The following SCAPER variants were observed in gnomAD, a reference collection of about 807,000 sequenced individuals.
The protein encoded by SCAPER is S-phase cyclin A associated protein in the ER.
Under a neutral mutation model 182.2 loss-of-function variants are expected in SCAPER, and 98 were observed. That is an observed-to-expected ratio of 0.54 (90% CI 0.46 to 0.64). The LOEUF (loss-of-function observed/expected upper bound fraction) is 0.64, where lower values mean the gene tolerates loss of function less well. Ranked by LOEUF, SCAPER falls within the 30% of genes least tolerant of loss-of-function variation. SCAPER has a pLI of 0.00. For synonymous variants in SCAPER, 605 were observed against 564.6 expected, an observed-to-expected ratio of 1.07 and a Z score of -1.01; for missense variants, 1,432 against 1,690.0, an observed-to-expected ratio of 0.85 and a Z score of 2.68.
chr15:76,846,184 A>G (rs2070062531), intron 4 of SCAPER, among the ~76,000 whole-genome samples: 1 of 152,116 alleles, frequency 6.6e-6, no homozygotes, highest in African/African-American at 2.4e-5. Flanking sequence ...CCATATACAA[A>G]CCTCAAATCA....
intron 23 of SCAPER, among the ~76,000 whole-genome samples, chr15:76,543,473 G>A (rs559150609): frequency 3.9e-5 from 6 of 152,268 alleles, no homozygotes; most frequent in African/African-American, 1.4e-4. Context: ...ACACTCCGTG[G>A]TTTCAAACTG....
In SCAPER at chr15:76,669,115, C is replaced by G. The variant is rs189212540; in HGVS notation, c.2509-3326G>C. Among the ~76,000 whole-genome samples the G allele has an allele frequency of 9.2e-4, 140 of 152,206 alleles. 1 individual carries two copies. The Middle Eastern group carries it at 0.014, about 15-fold the overall frequency. On this transcript the variant is annotated intron_variant, in intron 20 of 31. Coordinates refer to ENST00000563290, the MANE Select transcript of SCAPER (RefSeq NM_020843.4). ...CCAGACAGTGTGATTAGGGAATCCA[C>G]ATTCTTGACTACTACCTTAGAGATA...
chr15:76,409,153 G>A (rs1367522890), intron 26 of SCAPER, among the ~76,000 whole-genome samples: 1 of 152,138 alleles, frequency 6.6e-6, no homozygotes, highest in African/African-American at 2.4e-5. Context: ...GGCTCTAAAA[G>A]GTCAGTGTAG....
rs183800225 is a variant in SCAPER at position 76,594,622 on chromosome 15, G to A, written c.2712-20338C>T. The stretch of plus-strand genomic sequence containing the variant: ...AAGGGAAGCCCATCAGACTAACAGC[G>A]GATCTCTCTGCAGAAACTCTACAAG... On this transcript the variant is annotated intron_variant, in intron 22 of 31. Transcript: ENST00000563290. Among the ~76,000 whole-genome samples the A allele has an allele frequency of 2.3e-4, 28 of 121,674 alleles. 8 individuals are homozygous for A. Among genetic ancestry groups the A allele is most frequent in the Admixed American group, 6.6e-4 (7 of 10,670 alleles). 79.8% of individuals were successfully genotyped at this position (121,674 alleles called of 152,430 possible).
At chr15:76,724,972 G>T (rs913284350) in intron 17 of SCAPER, among the ~76,000 whole-genome samples, 1 of 152,090 alleles carries the variant, frequency 6.6e-6, no homozygotes, top group Non-Finnish European at 1.5e-5. Flanking sequence ...CTGGTGAGGA[G>T]CTGCATTCCT....
At position 76,744,103 on chromosome 15, in the gene SCAPER, T is replaced by A. The variant is rs529884056; in HGVS notation, c.1866+9705A>T. On this transcript the variant is annotated intron_variant, in intron 15 of 31. Coordinates refer to ENST00000563290, the MANE Select transcript of SCAPER (RefSeq NM_020843.4). ...TTAACTATATGCAGAACAACAAAACTAGACCCTTACTTTTAACTACATACA... is the reference window on the plus strand; with the variant it reads ...TTAACTATATGCAGAACAACAAAACAAGACCCTTACTTTTAACTACATACA... Among the ~76,000 whole-genome samples the A allele has an allele frequency of 7.4e-4, 112 of 152,314 alleles. 1 individual carries two copies. Among genetic ancestry groups the A allele is most frequent in the Middle Eastern group, 6.8e-3 (2 of 294 alleles).
At chr15:76,373,524 G>A (rs1205861041) in intron 29 of SCAPER, among the ~76,000 whole-genome samples, 1 of 152,166 alleles carries the variant, frequency 6.6e-6, no homozygotes, top group Non-Finnish European at 1.5e-5. Context: ...ACTAGGCCTG[G>A]TCCACAGAGA....
chr15:76,371,671 C>T (rs1047197871), intron 29 of SCAPER, among the ~76,000 whole-genome samples: 1 of 151,422 alleles, frequency 6.6e-6, no homozygotes, highest in Non-Finnish European at 1.5e-5. Context: ...GTAATTCCAG[C>T]ACTTTGGGAG....
intron 15 of SCAPER, among the ~76,000 whole-genome samples, chr15:76,749,484 G>A (rs2061975217): frequency 6.6e-6 from 1 of 151,882 alleles, no homozygotes; most frequent in African/African-American, 2.4e-5. Context: ...AGTAGTCCCA[G>A]CTATTGCAAT....
intron 22 of SCAPER, among the ~76,000 whole-genome samples, chr15:76,617,170 C>G (rs1041170102): frequency 6.6e-6 from 1 of 152,148 alleles, no homozygotes; most frequent in Non-Finnish European, 1.5e-5. Flanking sequence ...TAGTCAAAGT[C>G]ATCCGTCTTT....
intron 29 of SCAPER, among the ~76,000 whole-genome samples, chr15:76,361,466 G>A (rs1308358099): frequency 2.6e-5 from 4 of 152,186 alleles, no homozygotes; most frequent in Non-Finnish European, 5.9e-5. Flanking sequence ...TTACTTACAA[G>A]AAAGTCTTCC....
intron 25 of SCAPER, among the ~76,000 whole-genome samples, chr15:76,441,222 A>G (rs1318377501): frequency 1.3e-5 from 2 of 151,856 alleles, no homozygotes; most frequent in Non-Finnish European, 2.9e-5. Flanking sequence ...TGCCCAGCCT[A>G]TTCTCCTTCT....
chr15:76,757,010 A>G (rs995237718), intron 14 of SCAPER, among the ~76,000 whole-genome samples: 1 of 6,108 alleles, frequency 1.6e-4, no homozygotes, highest in Non-Finnish European at 0.01. Context: ...AAATATAATT[A>G]GTGCCCCACC....
intron 22 of SCAPER, among the ~76,000 whole-genome samples, chr15:76,577,946 A>AC (rs375861811): frequency 1.4e-3 from 213 of 152,144 alleles, no homozygotes; most frequent in African/African-American, 5.1e-3. Flanking sequence ...GTATTTCTGC[A>AC]CCTGAACTGG....
Position 76,765,574 on chromosome 15 carries a change from G to A in SCAPER, c.1484C>T (p.Ala495Val). The stretch of plus-strand genomic sequence containing the variant: ...CATATACACAATACCTTCATAATCT[G>A]CAAGGACATCGTTCCAGTCCATGGA... ...GMSMDWNDVL[A>V]DYEARESWRQ... Residue 495 changes from alanine to valine, a missense_variant, in exon 12 of 32, where the codon GCA (alanine) becomes GTA (valine). This residue lies in a region of SCAPER where 128 missense variants were observed against 149.9 expected (regional missense o/e 0.85). Transcript: ENST00000563290. 1 of 1,595,500 alleles carries A rather than the reference G, an allele frequency of 6.3e-7. No individual in the cohort carries two copies. Among genetic ancestry groups the A allele is most frequent in the Non-Finnish European group, 8.5e-7 (1 of 1,169,942 alleles).
At chr15:76,543,571 T>C (rs1894638276) in intron 23 of SCAPER, among the ~76,000 whole-genome samples, 1 of 152,190 alleles carries the variant, frequency 6.6e-6, no homozygotes, top group Non-Finnish European at 1.5e-5. Flanking sequence ...AAACTAGATA[T>C]ATCTGCTACC....
intron 21 of SCAPER, among the ~76,000 whole-genome samples, chr15:76,629,512 G>A (rs1241384608): frequency 6.6e-6 from 1 of 152,186 alleles, no homozygotes; most frequent in East Asian, 1.9e-4. Flanking sequence ...TGTCTATTGA[G>A]ATAATCATGT....
At chr15:76,549,687 G>A (rs2045592716) in intron 23 of SCAPER, among the ~76,000 whole-genome samples, 1 of 151,976 alleles carries the variant, frequency 6.6e-6, no homozygotes, top group African/African-American at 2.4e-5. Context: ...CATGGCACAT[G>A]TATGCATACG....
intron 26 of SCAPER, among the ~76,000 whole-genome samples, chr15:76,424,684 C>T (rs1445637261): frequency 1.3e-5 from 2 of 152,080 alleles, no homozygotes; most frequent in Non-Finnish European, 2.9e-5. Flanking sequence ...TTATTTTGCT[C>T]GTTAGTTGAT....
Sources: gnomAD v4.1 joint callset for allele counts (sites outside exome capture counted in the v4.1 genomes callset) on GRCh38, gnomAD v4.1.1 for gene constraint, gnomAD v4.1.1 regional missense constraint, MANE v1.5 for transcripts, NCBI Gene and HGNC (gene_info 2026-07-23, HGNC 2026-07-21) for gene names.